The following MAGI2 variants were observed in gnomAD, a reference collection of about 807,000 sequenced individuals.
The protein encoded by MAGI2 is membrane-associated guanylate kinase, WW and PDZ domain-containing protein 2.
MAGI2 carries 35 observed loss-of-function variants against 133.3 expected under a neutral mutation model. That is an observed-to-expected ratio of 0.26 (90% CI 0.20 to 0.35). MAGI2 has a LOEUF of 0.35. Among genes scored for constraint, MAGI2 ranks in the 10% least tolerant of loss-of-function variants. The probability of loss-of-function intolerance (pLI) is 1.00; values close to 1 mark genes in which losing one functional copy is unlikely to be tolerated. For missense variants in MAGI2, 1,636 were observed against 1,863.4 expected (o/e 0.88, Z 2.25); for synonymous variants, 729 against 710.6 (o/e 1.03, Z -0.41).
At chr7:78,438,146 C>T (rs986109007) in intron 6 of MAGI2, among the ~76,000 whole-genome samples, 1 of 152,022 alleles carries the variant, frequency 6.6e-6, no homozygotes, top group Non-Finnish European at 1.5e-5. Flanking sequence ...ACCACTGAAA[C>T]GTTTTTGAGA....
chr7:78,090,205 C>T (rs933232228), intron 20 of MAGI2, among the ~76,000 whole-genome samples: 1 of 152,232 alleles, frequency 6.6e-6, no homozygotes, highest in Non-Finnish European at 1.5e-5. Flanking sequence ...GTGTCCACTG[C>T]TCTTACAGCT....
intron 2 of MAGI2, among the ~76,000 whole-genome samples, chr7:78,888,573 A>T (rs903398717): frequency 1.3e-5 from 2 of 152,112 alleles, no homozygotes; most frequent in African/African-American, 2.4e-5. Flanking sequence ...CTGTTCACCA[A>T]TATCCGCTGT....
chr7:79,173,068 T>G (rs1825764180), intron 1 of MAGI2: 1 of 151,992 alleles, frequency 6.6e-6, no homozygotes, highest in Non-Finnish European at 1.5e-5. Flanking sequence ...AGAAAATCAA[T>G]TAATAAATTA....
At chr7:79,210,084 T>C (rs1043602558) in intron 1 of MAGI2, among the ~76,000 whole-genome samples, 2 of 152,094 alleles carry the variant, frequency 1.3e-5, no homozygotes, top group African/African-American at 4.8e-5. Context: ...ATCTAATTTA[T>C]ATATCTTTCT....
At position 79,086,139 on chromosome 7, in the gene MAGI2, T is replaced by G. The variant is rs148192242; in HGVS notation, c.302-78933A>C. Among the ~76,000 whole-genome samples the G allele has an allele frequency of 3.9e-5, 6 of 152,022 alleles. No individual in the cohort carries two copies. The East Asian group carries it at 1.2e-3, about 29-fold the overall frequency. On this transcript the variant is annotated intron_variant, in intron 1 of 21. Coordinates refer to ENST00000354212, the MANE Select transcript of MAGI2 (RefSeq NM_012301.4). ...ATTATCTCTATTTGGTGATGCCCCC[T>G]CAGGCAGCTGTGATACTAAACAATT... is the stretch of plus-strand genomic sequence containing the variant.
At chr7:78,212,768 A>G (rs768336918) in intron 10 of MAGI2, among the ~76,000 whole-genome samples, 1 of 152,154 alleles carries the variant, frequency 6.6e-6, no homozygotes, top group Non-Finnish European at 1.5e-5. Flanking sequence ...GCCTTGACTT[A>G]CTGGGCTCAG....
chr7:78,208,137 T>TTTTC (rs1410601453), intron 10 of MAGI2, among the ~76,000 whole-genome samples: 1 of 74,748 alleles, frequency 1.3e-5, no homozygotes. Context: ...CAAAGTGGCT[T>TTTTC]TTTTTTTTTT....
chr7:78,760,382 G>A (rs1824384923), intron 2 of MAGI2, among the ~76,000 whole-genome samples: 2 of 112,638 alleles, frequency 1.8e-5, no homozygotes, highest in African/African-American at 7.5e-5. Context: ...TTTTTTTTGA[G>A]ATGAAGTTTT....
At chr7:79,413,370 T>G (rs1450337796) in intron 1 of MAGI2, 1 of 152,120 alleles carries the variant, frequency 6.6e-6, no homozygotes, top group Non-Finnish European at 1.5e-5. Flanking sequence ...TGCCCACTCA[T>G]ATAAAAGTGG....
At chr7:78,480,296 G>T (rs1117238) in intron 6 of MAGI2, among the ~76,000 whole-genome samples, 55,632 of 150,956 alleles carry the variant, frequency 0.37, 10,585 homozygotes, top group East Asian at 0.6. Flanking sequence ...ATCTTTTCCA[G>T]AAAACAGAAG....
At chr7:79,393,640 T>A (rs1402380163) in intron 1 of MAGI2, among the ~76,000 whole-genome samples, 2 of 152,222 alleles carry the variant, frequency 1.3e-5, no homozygotes, top group Non-Finnish European at 2.9e-5. Flanking sequence ...TTGCCACATG[T>A]GAAACTTTGT....
At chr7:78,882,115 A>AAAAAAAAAAAG (rs1795918606) in intron 2 of MAGI2, among the ~76,000 whole-genome samples, 5 of 93,736 alleles carry the variant, frequency 5.3e-5, no homozygotes, top group Non-Finnish European at 9.8e-5. Flanking sequence ...AAAAGAAAAG[A>AAAAAAAAAAAG]AAAACAAAAA....
At chr7:78,095,626 T>G (rs1817626001) in intron 20 of MAGI2, among the ~76,000 whole-genome samples, 1 of 152,102 alleles carries the variant, frequency 6.6e-6, no homozygotes, top group South Asian at 2.1e-4. Context: ...GATCCCCAAT[T>G]ATGAAGGAGG....
intron 2 of MAGI2, among the ~76,000 whole-genome samples, chr7:78,875,098 A>T (rs1283038815): frequency 1.3e-5 from 2 of 152,182 alleles, no homozygotes. Context: ...GAAACAAAAA[A>T]TCTGAGTATG....
At chr7:78,466,466 T>C (rs1790644495) in intron 6 of MAGI2, among the ~76,000 whole-genome samples, 1 of 152,224 alleles carries the variant, frequency 6.6e-6, no homozygotes. Flanking sequence ...TGAGGATTTA[T>C]GTGTTTGCAT....
chr7:78,540,046 G>A (rs187586993), intron 3 of MAGI2, among the ~76,000 whole-genome samples: 232 of 152,326 alleles, frequency 1.5e-3, no homozygotes, highest in Middle Eastern at 0.014. Flanking sequence ...TTTCAAGAGC[G>A]CATCAGCTGT....
chr7:78,902,796 G>A (rs915519573), intron 2 of MAGI2, among the ~76,000 whole-genome samples: 4 of 152,142 alleles, frequency 2.6e-5, no homozygotes, highest in African/African-American at 9.7e-5. Flanking sequence ...CCTGTTGGTA[G>A]TTCTCCCGGG....
At chr7:78,448,622 A>G (rs893121387) in intron 6 of MAGI2, among the ~76,000 whole-genome samples, 1 of 152,090 alleles carries the variant, frequency 6.6e-6, no homozygotes, top group African/African-American at 2.4e-5. Flanking sequence ...ACAAGGTGCC[A>G]TTTCAAAAAA....
At chr7:78,958,122 T>C (rs556365155) in intron 2 of MAGI2, among the ~76,000 whole-genome samples, 1 of 152,268 alleles carries the variant, frequency 6.6e-6, no homozygotes, top group South Asian at 2.1e-4. Flanking sequence ...GTTATCTTCT[T>C]TGAAGCCCTG....
Sources: gnomAD v4.1 joint callset for allele counts (sites outside exome capture counted in the v4.1 genomes callset) on GRCh38, gnomAD v4.1.1 for gene constraint, MANE v1.5 for transcripts, NCBI Gene and HGNC (gene_info 2026-07-23, HGNC 2026-07-21) for gene names.